The following CTNNA3 variants were observed in gnomAD, a reference collection of about 807,000 sequenced individuals.
CTNNA3 encodes catenin alpha-3.
A neutral mutation model predicts 95.7 loss-of-function variants in CTNNA3; 76 were observed. That is an observed-to-expected ratio of 0.79 (90% CI 0.66 to 0.96). The LOEUF is 0.96. CTNNA3 is among the 40% of genes least tolerant of loss of function. The pLI, the probability that CTNNA3 is intolerant of heterozygous loss-of-function variation, is 0.00. For synonymous variants in CTNNA3, 431 were observed against 374.4 expected (o/e 1.15, Z -1.74); for missense variants, 1,191 against 1,089.8 (o/e 1.09, Z -1.31).
intron 9 of CTNNA3, among the ~76,000 whole-genome samples, chr10:66,708,459 G>C (rs2132596033): frequency 6.6e-6 from 1 of 151,992 alleles, no homozygotes; most frequent in East Asian, 1.9e-4. Flanking sequence ...CTTCTTACAA[G>C]GACACTAGTC....
At chr10:67,363,545 G>C (rs2132677088) in intron 5 of CTNNA3, among the ~76,000 whole-genome samples, 1 of 151,748 alleles carries the variant, frequency 6.6e-6, no homozygotes, top group Admixed American at 6.6e-5. Flanking sequence ...TTTTCAAAAA[G>C]ATCAACAAAA....
intron 11 of CTNNA3, among the ~76,000 whole-genome samples, chr10:66,396,584 T>C (rs2092979932): frequency 6.6e-6 from 1 of 152,000 alleles, no homozygotes; most frequent in African/African-American, 2.4e-5. Flanking sequence ...TGTTTATGAG[T>C]AATTTAACCA....
intron 3 of CTNNA3, among the ~76,000 whole-genome samples, chr10:67,575,567 T>C (rs1842115184): frequency 6.6e-6 from 1 of 152,150 alleles, no homozygotes; most frequent in African/African-American, 2.4e-5. Context: ...GAGCACAGCA[T>C]TTCACATATA....
chr10:66,926,777 T>C (rs1271074569), intron 7 of CTNNA3: 2 of 976,970 alleles, frequency 2.0e-6, no homozygotes, highest in African/African-American at 3.3e-5. Flanking sequence ...GACAATTCTC[T>C]TTAATTACAA....
chr10:65,995,031 A>T (rs966856539), intron 15 of CTNNA3, among the ~76,000 whole-genome samples: 2 of 151,334 alleles, frequency 1.3e-5, no homozygotes, highest in African/African-American at 4.9e-5. Context: ...CACATTGGTA[A>T]ATTTCTCATT....
intron 5 of CTNNA3, among the ~76,000 whole-genome samples, chr10:67,239,708 CAGTGTG>C (rs954547481): frequency 1.3e-5 from 2 of 152,100 alleles, no homozygotes; most frequent in Non-Finnish European, 2.9e-5. Flanking sequence ...CCAATATCTA[CAGTGTG>C]AGCCTTCTTT....
intron 1 of CTNNA3, among the ~76,000 whole-genome samples, chr10:67,755,815 A>G (rs1346797972): frequency 4.0e-5 from 6 of 150,798 alleles, no homozygotes; most frequent in Non-Finnish European, 8.9e-5. Context: ...AAAAAAAAAA[A>G]AAAAAAAGAA....
At chr10:66,178,631 G>T (rs777023825) in intron 13 of CTNNA3, among the ~76,000 whole-genome samples, 3 of 151,042 alleles carry the variant, frequency 2.0e-5, no homozygotes, top group African/African-American at 4.9e-5. Context: ...CAAAAAACAA[G>T]CTACAGAGTT....
Position 67,483,996 on chromosome 10 carries a change from C to G in CTNNA3, c.579+37846G>C, listed in dbSNP as rs114006950. On this transcript the variant is annotated intron_variant, in intron 5 of 17. Coordinates refer to ENST00000433211, the MANE Select transcript of CTNNA3 (RefSeq NM_013266.4). ...AGAGTATTCTAAAGTTCAAATGGAA[C>G]CAAAAAAAGAATTTGAATAGGCAAA... 2.5e-3 allele frequency among the ~76,000 whole-genome samples: 382 copies of G among 151,996 alleles called. 4 individuals are homozygous for G. The highest frequency in any genetic ancestry group is 8.6e-3 in the African/African-American group (358 of 41,474).
intron 13 of CTNNA3, among the ~76,000 whole-genome samples, chr10:66,232,098 A>G (rs1305831786): frequency 6.6e-6 from 1 of 152,212 alleles, no homozygotes; most frequent in Non-Finnish European, 1.5e-5. Context: ...AGTTAATCCT[A>G]AAGAGAGTAA....
intron 7 of CTNNA3, among the ~76,000 whole-genome samples, chr10:66,795,421 G>C (rs1463605354): frequency 1.3e-5 from 2 of 152,092 alleles, no homozygotes; most frequent in Non-Finnish European, 2.9e-5. Context: ...CCTTTTCTGA[G>C]CTTCAGGTGT....
At chr10:67,692,736 T>TAAAACAAA (rs1840891812) in intron 1 of CTNNA3, among the ~76,000 whole-genome samples, 1 of 80,840 alleles carries the variant, frequency 1.2e-5, no homozygotes, top group African/African-American at 4.7e-5. Context: ...GAATGATCAA[T>TAAAACAAA]AAAAAAAAAA....
At chr10:67,320,322 G>T (rs979639113) in intron 5 of CTNNA3, among the ~76,000 whole-genome samples, 7 of 152,154 alleles carry the variant, frequency 4.6e-5, no homozygotes, top group Non-Finnish European at 8.8e-5. Context: ...CTTTGAGTAT[G>T]TGCAGAACAT....
chr10:66,400,185 A>C (rs1191964062), intron 11 of CTNNA3, among the ~76,000 whole-genome samples: 1 of 152,034 alleles, frequency 6.6e-6, no homozygotes, highest in African/African-American at 2.4e-5. Flanking sequence ...AGAAAATATA[A>C]AAAATAGAAA....
At chr10:67,279,517 A>G (rs1406235381) in intron 5 of CTNNA3, among the ~76,000 whole-genome samples, 1 of 152,080 alleles carries the variant, frequency 6.6e-6, no homozygotes, top group Admixed American at 6.6e-5. Context: ...ACACACTGCA[A>G]GAGGAAAGGG....
chr10:66,226,862 T>A (rs886554344), intron 13 of CTNNA3, among the ~76,000 whole-genome samples: 2 of 152,094 alleles, frequency 1.3e-5, no homozygotes, highest in African/African-American at 4.8e-5. Context: ...TTCACTAAGT[T>A]TATTATTGGT....
At chr10:66,152,972 A>G (rs1323596759) in intron 13 of CTNNA3, among the ~76,000 whole-genome samples, 1 of 151,880 alleles carries the variant, frequency 6.6e-6, no homozygotes. Flanking sequence ...TATATGTTAA[A>G]AGTTTTAATA....
At chr10:66,240,344 T>C (rs1384802024) in intron 13 of CTNNA3, among the ~76,000 whole-genome samples, 1 of 152,086 alleles carries the variant, frequency 6.6e-6, no homozygotes, top group Non-Finnish European at 1.5e-5. Context: ...ATTATCACAC[T>C]TTTTTTCTGT....
intron 13 of CTNNA3, among the ~76,000 whole-genome samples, chr10:66,236,530 T>C (rs2089862815): frequency 6.6e-6 from 1 of 152,150 alleles, no homozygotes; most frequent in African/African-American, 2.4e-5. Context: ...TTTTATAAAA[T>C]ATATTGCATT....
Sources: allele counts gnomAD v4.1 joint callset (sites outside exome capture counted in the v4.1 genomes callset), GRCh38; gene constraint gnomAD v4.1.1; transcripts MANE v1.5; gene names NCBI Gene and HGNC (gene_info 2026-07-23, HGNC 2026-07-21).